The following RARB variants were observed in gnomAD, a reference collection of about 807,000 sequenced individuals.
RARB encodes HBV-activated protein.
A neutral mutation model predicts 51.9 loss-of-function variants in RARB; 17 were observed. The observed-to-expected ratio is 0.33, with a 90% CI of 0.22 to 0.49. RARB has a LOEUF of 0.49. Ranked by LOEUF, RARB falls within the 20% of genes least tolerant of loss-of-function variation. The probability of loss-of-function intolerance (pLI) is 0.99; values close to 1 mark genes in which losing one functional copy is unlikely to be tolerated. For missense variants in RARB, 369 were observed against 550.8 expected (o/e 0.67, Z 3.30); for synonymous variants, 215 against 195.4 (o/e 1.10, Z -0.84).
chr3:25,095,333 G>A (rs1045746507), intron 3 of RARB, among the ~76,000 whole-genome samples: 12 of 152,180 alleles, frequency 7.9e-5, no homozygotes, highest in Admixed American at 5.2e-4. Flanking sequence ...GGTTTTCAAA[G>A]TATGATCCCT....
chr3:25,482,111 T>A (rs1696254150), intron 2 of RARB, among the ~76,000 whole-genome samples: 1 of 152,138 alleles, frequency 6.6e-6, no homozygotes, highest in Non-Finnish European at 1.5e-5. Flanking sequence ...TCAGCTCCCT[T>A]TTTTTTCCTA....
At chr3:25,493,875 T>C (rs1696872504) in intron 2 of RARB, among the ~76,000 whole-genome samples, 1 of 152,182 alleles carries the variant, frequency 6.6e-6, no homozygotes, top group Non-Finnish European at 1.5e-5. Flanking sequence ...TATCAATGGC[T>C]CTAAGGCTAA....
At chr3:25,014,419 A>G (rs1697463927) in intron 2 of RARB, among the ~76,000 whole-genome samples, 1 of 152,144 alleles carries the variant, frequency 6.6e-6, no homozygotes, top group South Asian at 2.1e-4. Flanking sequence ...AGAGAAGTTC[A>G]GGAGGATGAT....
chr3:25,459,683 GT>G (rs1200761659), intron 1 of RARB, among the ~76,000 whole-genome samples: 1 of 152,180 alleles, frequency 6.6e-6, no homozygotes, highest in Non-Finnish European at 1.5e-5. Context: ...TTAACAATAA[GT>G]TTAGTGGGTA....
intron 3 of RARB, among the ~76,000 whole-genome samples, chr3:25,550,225 T>C (rs192830041): frequency 6.6e-6 from 1 of 152,338 alleles, no homozygotes; most frequent in East Asian, 1.9e-4. Flanking sequence ...AAAATATTAG[T>C]TCTTGAGACA....
intron 2 of RARB, among the ~76,000 whole-genome samples, chr3:25,000,164 A>G (rs906439562): frequency 6.6e-6 from 1 of 152,074 alleles, no homozygotes; most frequent in African/African-American, 2.4e-5. Context: ...TCCACTACAA[A>G]TTTCTACTTT....
intron 2 of RARB, among the ~76,000 whole-genome samples, chr3:25,036,027 A>C (rs1217489094): frequency 6.6e-6 from 1 of 152,160 alleles, no homozygotes; most frequent in Admixed American, 6.5e-5. Flanking sequence ...AAATATTGGA[A>C]ATTTCATGTA....
intron 5 of RARB, among the ~76,000 whole-genome samples, chr3:25,209,115 G>T (rs1384957381): frequency 6.6e-6 from 1 of 152,192 alleles, no homozygotes; most frequent in Non-Finnish European, 1.5e-5. Context: ...ATATATGTGA[G>T]TCCACAGACC....
chr3:25,267,582 G>A (rs572803379), intron 5 of RARB, among the ~76,000 whole-genome samples: 3 of 152,294 alleles, frequency 2.0e-5, no homozygotes, highest in Non-Finnish European at 4.4e-5. Context: ...TGGCTTGAGA[G>A]TGGTGTTTGG....
chr3:24,866,426 A>G (rs1702850071), intron 2 of RARB, among the ~76,000 whole-genome samples: 1 of 152,086 alleles, frequency 6.6e-6, no homozygotes, highest in Non-Finnish European at 1.5e-5. Context: ...GAAGCTAATG[A>G]CCCGTTGTAA....
chr3:25,377,855 C>T (rs1706510438), intron 5 of RARB, among the ~76,000 whole-genome samples: 1 of 152,116 alleles, frequency 6.6e-6, no homozygotes, highest in Non-Finnish European at 1.5e-5. Flanking sequence ...ATGAGGCCCT[C>T]ACATGGCTCC....
chr3:24,890,124 C>G (rs944329974), intron 2 of RARB, among the ~76,000 whole-genome samples: 3 of 152,294 alleles, frequency 2.0e-5, no homozygotes, highest in Middle Eastern at 3.4e-3. Context: ...TGTCTTAACA[C>G]AGAAGTGCTC....
intron 3 of RARB, among the ~76,000 whole-genome samples, chr3:25,547,795 G>A (rs916293559): frequency 7.2e-5 from 11 of 152,200 alleles, no homozygotes; most frequent in African/African-American, 2.7e-4. Context: ...AGGATAGACG[G>A]TGGGTGGATG....
At chr3:25,473,889 G>A (rs1399704887) in intron 2 of RARB, among the ~76,000 whole-genome samples, 1 of 136,916 alleles carries the variant, frequency 7.3e-6, no homozygotes, top group Non-Finnish European at 1.5e-5. Context: ...TCTCGGTTCT[G>A]CTTCTATGGA....
chr3:24,983,233 T>A (rs917237860), intron 2 of RARB, among the ~76,000 whole-genome samples: 2 of 152,190 alleles, frequency 1.3e-5, no homozygotes, highest in Non-Finnish European at 2.9e-5. Flanking sequence ...TTAGTAGAAT[T>A]GTACCTGAGC....
intron 5 of RARB, among the ~76,000 whole-genome samples, chr3:25,345,101 T>A (rs6771956): frequency 2.0e-5 from 3 of 152,078 alleles, no homozygotes; most frequent in African/African-American, 7.2e-5. Flanking sequence ...AGAAAATATC[T>A]GTGGGTGTTG....
chr3:24,916,260 A>C (rs1695104056), intron 2 of RARB, among the ~76,000 whole-genome samples: 1 of 152,098 alleles, frequency 6.6e-6, no homozygotes, highest in African/African-American at 2.4e-5. Flanking sequence ...TAGGTACAAA[A>C]AGAGAAAGAA....
At chr3:25,544,247 T>C (rs576670590) in intron 3 of RARB, among the ~76,000 whole-genome samples, 1 of 152,302 alleles carries the variant, frequency 6.6e-6, no homozygotes, top group South Asian at 2.1e-4. Context: ...TGAATCAAAA[T>C]GTTAATAGGG....
At chr3:24,981,642 A>T (rs1161529255) in intron 2 of RARB, among the ~76,000 whole-genome samples, 1 of 152,068 alleles carries the variant, frequency 6.6e-6, no homozygotes, top group Non-Finnish European at 1.5e-5. Context: ...CCATGGGAAA[A>T]GCATAGTATT....
Sources: allele counts gnomAD v4.1 joint callset (sites outside exome capture counted in the v4.1 genomes callset), GRCh38; gene constraint gnomAD v4.1.1; transcripts MANE v1.5; gene names NCBI Gene and HGNC (gene_info 2026-07-23, HGNC 2026-07-21).